DCC: variants seen among roughly 807,000 people sequenced by gnomAD.
The protein encoded by DCC is DCC netrin 1 receptor, also known as netrin receptor DCC.
Under a neutral mutation model 172.5 loss-of-function variants are expected in DCC, and 58 were observed. That is an observed-to-expected ratio of 0.34 (90% confidence interval 0.27 to 0.42). DCC has a LOEUF of 0.42. Among genes scored for constraint, DCC ranks in the 10% least tolerant of loss-of-function variants. The probability of loss-of-function intolerance (pLI) is 1.00; values close to 1 mark genes in which losing one functional copy is unlikely to be tolerated. For missense variants in DCC, 1,740 were observed against 1,791.0 expected (o/e 0.97, Z 0.51); for synonymous variants, 709 against 644.5 (o/e 1.10, Z -1.52).
intron 1 of DCC, among the ~76,000 whole-genome samples, chr18:52,730,777 G>A (rs2036626784): frequency 6.6e-6 from 1 of 152,144 alleles, no homozygotes; most frequent in Non-Finnish European, 1.5e-5. Context: ...CCTCACAGAG[G>A]GGCTATGTAT....
At chr18:52,622,363 AT>A (rs2034496125) in intron 1 of DCC, among the ~76,000 whole-genome samples, 2 of 152,306 alleles carry the variant, frequency 1.3e-5, no homozygotes, top group Admixed American at 1.3e-4. Context: ...TGGAAGGCCT[AT>A]TAAATCACAG....
At chr18:53,088,668 C>G (rs368755310) in intron 7 of DCC, among the ~76,000 whole-genome samples, 39 of 151,980 alleles carry the variant, frequency 2.6e-4, no homozygotes, top group African/African-American at 9.4e-4. Flanking sequence ...AGACCGCTAG[C>G]AAGACTAATA....
Position 53,157,436 on chromosome 18 carries a change from A to G in DCC, c.1342A>G (p.Ser448Gly). The change falls in exon 8 of 29, where the codon AGC becomes GGC. Residue 448 changes from serine to glycine, a missense_variant. Ser to Gly is a moderately conservative substitution (Grantham distance 56). Around this residue, in one of 2 missense-constraint regions of DCC, gnomAD observed 1,732 missense variants for 1,767.4 expected, o/e 0.98. Transcript: ENST00000442544. The part of the protein sequence containing the change: ...VLVSSRFVRL[S>G]WRPPAEAKGN... ...GGTTTCCAGCCGATTTGTCCGTCTC[A>G]GCTGGCGCCCACCTGCAGAAGCGAA... 2 of 1,614,168 alleles carry G rather than the reference A, an allele frequency of 1.2e-6. No individual in the cohort carries two copies. The highest frequency in any genetic ancestry group is 1.7e-6 in the Non-Finnish European group (2 of 1,180,010).
intron 2 of DCC, among the ~76,000 whole-genome samples, chr18:52,793,388 T>C (rs9945759): frequency 0.043 from 6,559 of 152,184 alleles, 220 homozygotes; most frequent in South Asian, 0.16. Context: ...TATTAGAAAA[T>C]GATTTGAAGC....
intron 5 of DCC, among the ~76,000 whole-genome samples, chr18:52,968,064 T>C (rs1206135156): frequency 6.6e-6 from 1 of 152,190 alleles, no homozygotes; most frequent in East Asian, 1.9e-4. Flanking sequence ...TGTATATTAT[T>C]CTTCTAGCAT....
At chr18:53,126,890 T>C (rs753381537) in intron 7 of DCC, among the ~76,000 whole-genome samples, 2 of 152,166 alleles carry the variant, frequency 1.3e-5, no homozygotes, top group Non-Finnish European at 2.9e-5. Context: ...TTATGCTGTC[T>C]ACTTCAGAAT....
chr18:52,690,558 G>A (rs1052217475), intron 1 of DCC, among the ~76,000 whole-genome samples: 2 of 151,956 alleles, frequency 1.3e-5, no homozygotes, highest in African/African-American at 2.4e-5. Context: ...TTTACTTCAT[G>A]GTTTTAACAG....
chr18:52,765,023 C>CTTTTTTTTTTT (rs963400763), intron 2 of DCC, among the ~76,000 whole-genome samples: 1 of 142,366 alleles, frequency 7.0e-6, no homozygotes, highest in East Asian at 2.0e-4. Flanking sequence ...ATTTTCTTTT[C>CTTTTTTTTTTT]TTTTTTTTCT....
At chr18:52,650,979 C>A (rs915213182) in intron 1 of DCC, among the ~76,000 whole-genome samples, 1 of 152,048 alleles carries the variant, frequency 6.6e-6, no homozygotes, top group Non-Finnish European at 1.5e-5. Flanking sequence ...AGTCTTCCTA[C>A]CCTAAATTAT....
Position 53,306,825 on chromosome 18 carries a change from G to A in DCC, c.2053+1106G>A, listed in dbSNP as rs1043283587. On this transcript the variant is annotated intron_variant, in intron 13 of 28. Coordinates refer to ENST00000442544, the MANE Select transcript of DCC (RefSeq NM_005215.4). ...ACTTGGCAAGCAAAGCATATAGAAT[G>A]GCTCATGACACAGCTGGGTAGATGA... Among the ~76,000 whole-genome samples the A allele has an allele frequency of 2.0e-5, 3 of 152,296 alleles. No homozygotes were observed. The South Asian group carries it at 6.2e-4, about 32-fold the overall frequency.
chr18:52,396,970 T>C (rs561798388), intron 1 of DCC, among the ~76,000 whole-genome samples: 4 of 152,154 alleles, frequency 2.6e-5, no homozygotes, highest in Admixed American at 1.3e-4. Flanking sequence ...ACTCAACAAA[T>C]GCTTTCCAGA....
Position 52,783,323 on chromosome 18 carries a change from C to CTTTTTTTT in DCC, c.412+30980_412+30987dup, listed in dbSNP as rs374129823. ...ACTAAAAATAATTTATACTACTACT[C>CTTTTTTTT]TTTTTTTTTTTTTTTTTTTTTTTTT... On this transcript the variant is annotated intron_variant, in intron 2 of 28. Transcript: ENST00000442544. 6.7e-3 allele frequency among the ~76,000 whole-genome samples: 399 copies of CTTTTTTTT among 59,242 alleles called. 72 individuals carry two copies. Among genetic ancestry groups the CTTTTTTTT allele is most frequent in the Non-Finnish European group, 7.8e-3 (276 of 35,224 alleles). 38.9% of individuals were successfully genotyped at this position (59,242 alleles called of 152,430 possible). A position where few individuals can be genotyped will look rare whatever the true frequency, so the allele number is the denominator to read the frequency against.
chr18:52,903,956 A>G (rs2039844342), intron 2 of DCC, among the ~76,000 whole-genome samples: 1 of 152,244 alleles, frequency 6.6e-6, no homozygotes, highest in Non-Finnish European at 1.5e-5. Flanking sequence ...GCCTGGGTAC[A>G]AGGTAACTAA....
Position 53,007,586 on chromosome 18 carries a change from T to C in DCC, c.986-55719T>C, listed in dbSNP as rs117277484. ...AAGTTACAGGCTTGAGAATAAAAACTAAACTTCCTGTAATTTTTTTCTCTG... is the reference window on the plus strand; with the variant it reads ...AAGTTACAGGCTTGAGAATAAAAACCAAACTTCCTGTAATTTTTTTCTCTG... On this transcript the variant is annotated intron_variant, in intron 5 of 28. Transcript: ENST00000442544. 6.5e-3 allele frequency among the ~76,000 whole-genome samples: 995 copies of C among 152,206 alleles called. 4 individuals carry two copies. The highest frequency in any genetic ancestry group is 0.011 in the Admixed American group (166 of 15,262).
At chr18:52,347,146 G>A (rs1983915201) in intron 1 of DCC, among the ~76,000 whole-genome samples, 1 of 152,160 alleles carries the variant, frequency 6.6e-6, no homozygotes, top group Non-Finnish European at 1.5e-5. Flanking sequence ...AGTGAATTGT[G>A]TTCTGATAAG....
chr18:52,799,992 A>G (rs534470250), intron 2 of DCC, among the ~76,000 whole-genome samples: 2 of 152,256 alleles, frequency 1.3e-5, no homozygotes, highest in African/African-American at 4.8e-5. Flanking sequence ...TGAATCACTA[A>G]TGGCTATCAA....
At chr18:53,203,343 C>T (rs1433778089) in intron 9 of DCC, among the ~76,000 whole-genome samples, 2 of 151,746 alleles carry the variant, frequency 1.3e-5, no homozygotes, top group African/African-American at 4.8e-5. Flanking sequence ...GTTCTATGCA[C>T]TATCCTCATT....
chr18:52,452,326 G>T (rs964336708), intron 1 of DCC, among the ~76,000 whole-genome samples: 1 of 152,088 alleles, frequency 6.6e-6, no homozygotes, highest in Non-Finnish European at 1.5e-5. Flanking sequence ...TCAATTCAGG[G>T]TTCTAATAAA....
intron 5 of DCC, among the ~76,000 whole-genome samples, chr18:52,944,768 C>G (rs941521864): frequency 6.6e-6 from 1 of 152,140 alleles, no homozygotes; most frequent in Admixed American, 6.5e-5. Context: ...TACAGGAGAA[C>G]CACTGGACTG....
Sources: gnomAD v4.1 joint callset for allele counts (sites outside exome capture counted in the v4.1 genomes callset) on GRCh38, gnomAD v4.1.1 for gene constraint, gnomAD v4.1.1 regional missense constraint, MANE v1.5 for transcripts, NCBI Gene and HGNC (gene_info 2026-07-23, HGNC 2026-07-21) for gene names.